Variants in PCDHGA4 observed in about 807,000 individuals in gnomAD.
The protein encoded by PCDHGA4 is protocadherin gamma-A4.
A neutral mutation model predicts 54.6 loss-of-function variants in PCDHGA4; 38 were observed. The ratio of observed to expected loss-of-function variants is 0.70; its 90% CI spans 0.54 to 0.91. PCDHGA4 has a LOEUF of 0.91. PCDHGA4 is among the 40% of genes least tolerant of loss of function. The pLI, the probability that PCDHGA4 is intolerant of heterozygous loss-of-function variation, is 0.00. For missense variants in PCDHGA4, 1,298 were observed against 1,220.9 expected, an observed-to-expected ratio of 1.06 and a Z score of -0.94; for synonymous variants, 511 against 512.9, an observed-to-expected ratio of 1.00 and a Z score of 0.05.
intron 1 of PCDHGA4, chr5:141,419,707 C>T (rs781629810): frequency 4.6e-5 from 74 of 1,613,062 alleles, no homozygotes; most frequent in Middle Eastern, 1.7e-4. Flanking sequence ...AGCCCGGGCT[C>T]TTCAGCCTGG....
intron 1 of PCDHGA4, among the ~76,000 whole-genome samples, chr5:141,462,783 T>A (rs1313584666): frequency 6.6e-6 from 1 of 152,236 alleles, no homozygotes; most frequent in Non-Finnish European, 1.5e-5. Flanking sequence ...CATAATTTGT[T>A]GCTTATTTGC....
Position 141,485,598 on chromosome 5 carries a change from T to C in PCDHGA4, c.2515-9209T>C, listed in dbSNP as rs931717579. 25 of 1,612,028 alleles carry C rather than the reference T, an allele frequency of 1.6e-5. No individual in the cohort carries two copies. Among genetic ancestry groups the C allele is most frequent in the African/African-American group, 2.7e-5 (2 of 74,838 alleles). ...CCGCGGCAGCAGCTGGACTTGGAAA[T>C]TGGGGAGGCAGCTCCTCCAGGACAG... On this transcript the variant is annotated intron_variant, in intron 1 of 3. Transcript: ENST00000571252. This position sits in a 1 kb window ranked among gnomAD's most constrained non-coding sequence, Gnocchi z 5.7.
chr5:141,422,703 G>GA, intron 1 of PCDHGA4: 1 of 1,603,132 alleles, frequency 6.2e-7, no homozygotes, highest in African/African-American at 1.3e-5. Context: ...CTTACTCTCT[G>GA]ACGGATGACA....
intron 1 of PCDHGA4, among the ~76,000 whole-genome samples, chr5:141,466,921 AG>A (rs2099132133): frequency 6.6e-6 from 1 of 152,204 alleles, no homozygotes; most frequent in African/African-American, 2.4e-5. Context: ...TCCTTGTATT[AG>A]GAATATTAGT....
intron 1 of PCDHGA4, among the ~76,000 whole-genome samples, chr5:141,449,264 C>T (rs2098633342): frequency 6.6e-6 from 1 of 152,056 alleles, no homozygotes; most frequent in African/African-American, 2.4e-5. Flanking sequence ...GTACAAAGAA[C>T]TGTATCTCCT....
In PCDHGA4 at chr5:141,476,760, CG is replaced by C. The variant is rs1325258321; in HGVS notation, c.2515-18045del. The C allele has an allele frequency of 6.2e-7, 1 of 1,613,706 alleles. No individual in the cohort carries two copies. Among genetic ancestry groups the C allele is most frequent in the African/African-American group, 1.3e-5 (1 of 74,930 alleles). On this transcript the variant is annotated intron_variant, in intron 1 of 3. Coordinates refer to ENST00000571252, the MANE Select transcript of PCDHGA4 (RefSeq NM_018917.4). This position sits in a 1 kb window ranked among gnomAD's most constrained non-coding sequence, Gnocchi z 7.6. ...GAGCCTAGTCTCCAGTTAGTGCTGA[CG>C]GCGTTGGACGGAGGGACCCCAGCTC...
chr5:141,413,207 C>CA lies in PCDHGA4; in HGVS notation c.2514+55589dup, dbSNP rs753988593. On this transcript the variant is annotated intron_variant, in intron 1 of 3. Transcript: ENST00000571252. The stretch of plus-strand genomic sequence containing the variant: ...GCTCAAAGGAATCGCTCAAAGGAAT[C>CA]AAAGGATTGCAGCGGGCTGGTCCTG... The CA allele has an allele frequency of 1.7e-5, 27 of 1,612,874 alleles. No homozygotes were observed. In the East Asian group the frequency reaches 6.0e-4, roughly 36 times the overall value.
chr5:141,500,184 T>TTTTA (rs58019021), intron 2 of PCDHGA4, among the ~76,000 whole-genome samples: 28,743 of 135,782 alleles, frequency 0.21, 3,285 homozygotes, highest in African/African-American at 0.3. Context: ...TCATTTTTAT[T>TTTTA]TTTATTTATT....
chr5:141,413,793 C>G, intron 1 of PCDHGA4: 1 of 1,613,106 alleles, frequency 6.2e-7, no homozygotes, highest in South Asian at 1.1e-5. Context: ...CCCTAGATCG[C>G]GAGGAAGAGG....
chr5:141,378,118 C>T (rs1196603036), intron 1 of PCDHGA4: 3 of 152,190 alleles, frequency 2.0e-5, no homozygotes, highest in Non-Finnish European at 4.4e-5. Context: ...ATAGTGAACA[C>T]GTATTTGTTG....
rs1425448852 is a variant in PCDHGA4, at chr5:141,493,717, C to T, written c.2515-1090C>T. Among the ~76,000 whole-genome samples the T allele has an allele frequency of 1.3e-5, 2 of 152,208 alleles. No individual in the cohort carries two copies. The highest frequency in any genetic ancestry group is 3.8e-4 in the East Asian group (2 of 5,202). On this transcript the variant is annotated intron_variant, in intron 1 of 3. Coordinates refer to ENST00000571252, the MANE Select transcript of PCDHGA4 (RefSeq NM_018917.4). This position sits in a 1 kb window ranked among gnomAD's most constrained non-coding sequence, Gnocchi z 4.3. ...CCGATACACCTGGAATGCTAGGTTT[C>T]TGGGTTCTGCTCATATCACTGCCAC...
intron 3 of PCDHGA4, among the ~76,000 whole-genome samples, chr5:141,510,424 C>T (rs2154594619): frequency 6.6e-6 from 1 of 152,236 alleles, no homozygotes; most frequent in South Asian, 2.1e-4. Flanking sequence ...GCCATGGTTT[C>T]ATGGCTGCTG....
chr5:141,361,524 GA>G, intron 1 of PCDHGA4: 1 of 1,614,056 alleles, frequency 6.2e-7, no homozygotes, highest in Non-Finnish European at 8.5e-7. Context: ...ACGTGGCAGA[GA>G]ACAATCCTCC....
intron 1 of PCDHGA4, chr5:141,389,851 C>T (rs375044667): frequency 6.2e-7 from 1 of 1,614,054 alleles, no homozygotes; most frequent in Non-Finnish European, 8.5e-7. Context: ...TCGGCCACTG[C>T]CACGTTGCAC....
At chr5:141,494,954 G>A in intron 2 of PCDHGA4, 89 bp downstream of exon 2, 2 of 1,601,116 alleles carry the variant, frequency 1.2e-6, no homozygotes. Context: ...CCCAGCATTT[G>A]CTACAGATGG....
intron 1 of PCDHGA4, among the ~76,000 whole-genome samples, chr5:141,369,256 A>G (rs1385163233): frequency 6.6e-6 from 1 of 152,192 alleles, no homozygotes. Context: ...AAATAATATA[A>G]TTATAAGGAC....
At chr5:141,427,780 T>C (rs2097069858) in intron 1 of PCDHGA4, 1 of 1,456,004 alleles carries the variant, frequency 6.9e-7, no homozygotes. Flanking sequence ...CTGCGGGCAC[T>C]GTCGTCCTAC....
Position 141,511,151 on chromosome 5 carries a change from C to T in PCDHGA4, c.2867C>T (p.Ser956Leu), listed in dbSNP as rs202071188. The T allele has an allele frequency of 3.0e-5, 49 of 1,614,152 alleles. No individual in the cohort carries two copies. The highest frequency in any genetic ancestry group is 2.6e-4 in the South Asian group (24 of 91,066). The change falls in exon 4 of 4, where the codon TCG becomes TTG. Residue 956 changes from serine (S) to leucine (L), a missense_variant. Ser to Leu is a moderately radical substitution (Grantham distance 145, BLOSUM62 -2). Coordinates refer to ENST00000571252, the MANE Select transcript of PCDHGA4 (RefSeq NM_018917.4). ...GGTGGCAATGGCAACAAGAAGAAGT[C>T]GGGCAAGAAGGAGAAGAAGTAACAT... ...PAGGNGNKKK[S>L]GKKEKK
At chr5:141,415,737 A>G in intron 1 of PCDHGA4, 1 of 574,948 alleles carries the variant, frequency 1.7e-6, no homozygotes, top group Non-Finnish European at 2.5e-6. Flanking sequence ...GATGTTTATT[A>G]AGGTTTTTTT....
Sources: gnomAD v4.1 joint callset for allele counts (sites outside exome capture counted in the v4.1 genomes callset) on GRCh38, gnomAD v4.1.1 for gene constraint, Gnocchi (gnomAD v3.1) non-coding constraint, MANE v1.5 for transcripts, NCBI Gene and HGNC (gene_info 2026-07-23, HGNC 2026-07-21) for gene names.